The following EFCAB8 variants were observed in gnomAD, a reference collection of about 807,000 sequenced individuals.
EFCAB8 encodes the protein EF-hand calcium binding domain 8, also known as EF-hand calcium-binding domain-containing protein 8.
Under a neutral mutation model 116.3 loss-of-function variants are expected in EFCAB8, and 100 were observed. That is an observed-to-expected ratio of 0.86 (90% CI 0.73 to 1.02). The LOEUF (loss-of-function observed/expected upper bound fraction) is 1.02, where lower values mean the gene tolerates loss of function less well. Among genes scored for constraint, EFCAB8 ranks in the 50% least tolerant of loss-of-function variants. The pLI is 0.00. For synonymous variants in EFCAB8, 558 were observed against 567.9 expected (o/e 0.98, Z 0.25); for missense variants, 1,320 against 1,416.9 (o/e 0.93, Z 1.10).
chr20:32,951,487 A>C (rs1451062309), intron 23 of EFCAB8, among the ~76,000 whole-genome samples: 1 of 152,186 alleles, frequency 6.6e-6, no homozygotes, highest in African/African-American at 2.4e-5. Flanking sequence ...TATTTATATA[A>C]AATTTTAGGA....
Position 32,909,809 on chromosome 20 carries a change from C to T in EFCAB8, c.1447-12C>T, listed in dbSNP as rs868572499. 8.1e-7 allele frequency: 1 copy of T among 1,234,616 alleles called. No individual in the cohort carries two copies. The highest frequency in any genetic ancestry group is 1.6e-5 in the African/African-American group (1 of 64,260). The allele number at this position is 1,234,616 out of a possible 1,614,324, so 76.5% of individuals were successfully genotyped here. A position where few individuals can be genotyped will look rare whatever the true frequency, so the allele number is the denominator to read the frequency against. ...TGACAGACAAGCTCTCTGCCCCTTT[C>T]CTCACCTACAGATCGGGATCCTAAA... On this transcript the variant is annotated splice_polypyrimidine_tract_variant and intron_variant, in intron 14 of 26. Transcript: ENST00000400522.
chr20:32,955,668 G>C (rs1053360469), intron 23 of EFCAB8, among the ~76,000 whole-genome samples: 14 of 152,172 alleles, frequency 9.2e-5, no homozygotes, highest in Admixed American at 9.2e-4. Context: ...TGAGAAGGGG[G>C]CTGGGAGCCT....
intron 20 of EFCAB8, among the ~76,000 whole-genome samples, chr20:32,923,839 A>G (rs957107013): frequency 2.6e-5 from 4 of 152,134 alleles, no homozygotes; most frequent in Non-Finnish European, 5.9e-5. Context: ...CTGTATAGCT[A>G]TCTGCTGCCG....
chr20:32,889,233 G>A, intron 6 of EFCAB8, 68 bp from the exon 7 acceptor site: 4 of 1,399,494 alleles, frequency 2.9e-6, no homozygotes, highest in Non-Finnish European at 3.0e-6. Context: ...GGCAGGAGAG[G>A]TTCATGGGGA....
intron 24 of EFCAB8, among the ~76,000 whole-genome samples, chr20:32,959,166 G>C (rs1989063794): frequency 6.6e-6 from 1 of 152,236 alleles, no homozygotes; most frequent in South Asian, 2.1e-4. Flanking sequence ...ACACAGTCCT[G>C]CCTCAGAGAA....
Position 32,863,747 on chromosome 20 carries a change from G to T in EFCAB8, c.-10-36G>T, listed in dbSNP as rs182753731. On this transcript the variant is annotated intron_variant, in intron 1 of 26. Coordinates refer to ENST00000400522, the MANE Select transcript of EFCAB8 (RefSeq NM_001143967.2). ...CAGCCTTCCACGTGGTCCTTACAACGACTGGAGTTAAGTTGACTATGATTC... is the reference window on the plus strand; with the variant it reads ...CAGCCTTCCACGTGGTCCTTACAACTACTGGAGTTAAGTTGACTATGATTC... 9 of 1,544,828 alleles carry T rather than the reference G, an allele frequency of 5.8e-6. No homozygotes were observed. In the East Asian group the frequency reaches 7.4e-5, roughly 13 times the overall value.
At chr20:32,940,774 C>T (rs1042794206) in intron 22 of EFCAB8, among the ~76,000 whole-genome samples, 1 of 149,918 alleles carries the variant, frequency 6.7e-6, no homozygotes, top group Non-Finnish European at 1.5e-5. Context: ...ATAAACATTT[C>T]TTCAAAGAAG....
At chr20:32,873,869 A>C (rs898742321) in intron 3 of EFCAB8, among the ~76,000 whole-genome samples, 1 of 150,184 alleles carries the variant, frequency 6.7e-6, no homozygotes, top group Non-Finnish European at 1.5e-5. Context: ...ATTAATGTCT[A>C]TTTGTTGCCA....
chr20:32,940,744 G>A (rs900245736), intron 22 of EFCAB8, among the ~76,000 whole-genome samples: 1 of 149,942 alleles, frequency 6.7e-6, no homozygotes, highest in Non-Finnish European at 1.5e-5. Flanking sequence ...ACCAAATTAA[G>A]ATACGGGTAA....
intron 22 of EFCAB8, among the ~76,000 whole-genome samples, chr20:32,935,184 C>CTTTTTTTTTTTTTTTTTTTTTTTTTTTT (rs1988056638): frequency 3.1e-5 from 2 of 64,556 alleles, no homozygotes; most frequent in African/African-American, 1.7e-4. Context: ...TTCTTTCTTT[C>CTTTTTTTTTTTTTTTTTTTTTTTTTTTT]TTTCTTTCTT....
chr20:32,930,667 C>A, intron 21 of EFCAB8, 51 bp downstream of exon 21: 1 of 1,514,990 alleles, frequency 6.6e-7, no homozygotes, highest in South Asian at 1.2e-5. Flanking sequence ...GCTAAGTGTT[C>A]GGCCATCTCT....
chr20:32,919,996 T>A, intron 19 of EFCAB8, 82 bp from the exon 20 acceptor site: 1 of 1,538,384 alleles, frequency 6.5e-7, no homozygotes, highest in South Asian at 1.2e-5. Flanking sequence ...GCCGCTCTTT[T>A]ATCATCTTCC....
chr20:32,914,559 G>A (rs1987093679), intron 17 of EFCAB8, among the ~76,000 whole-genome samples: 1 of 152,234 alleles, frequency 6.6e-6, no homozygotes, highest in Non-Finnish European at 1.5e-5. Flanking sequence ...AGTTGTGCAT[G>A]GCTAGGAGGG....
intron 6 of EFCAB8, among the ~76,000 whole-genome samples, chr20:32,888,891 G>A (rs1379793311): frequency 6.6e-6 from 1 of 151,702 alleles, no homozygotes; most frequent in Admixed American, 6.6e-5. Flanking sequence ...CACACCCATA[G>A]AAATGTCTTG....
chr20:32,878,573 A>G (rs1985126111), intron 4 of EFCAB8, 131 bp from the exon 5 acceptor site: 3 of 547,094 alleles, frequency 5.5e-6, no homozygotes, highest in Non-Finnish European at 9.9e-6. Flanking sequence ...TGCGGACTGC[A>G]GTGGCGCAAT....
At chr20:32,871,934 C>T (rs1052064837) in intron 3 of EFCAB8, among the ~76,000 whole-genome samples, 2 of 152,180 alleles carry the variant, frequency 1.3e-5, no homozygotes, top group African/African-American at 4.8e-5. Context: ...GGCAGTTTGA[C>T]TCCCAGCTCT....
At position 32,958,404 on chromosome 20, in the gene EFCAB8, G is replaced by C. The variant is rs150991989; in HGVS notation, c.2960-17G>C. The C allele has an allele frequency of 2.2e-5, 9 of 416,730 alleles. No individual in the cohort carries two copies. The East Asian group carries it at 2.8e-4, about 13-fold the overall frequency. The allele number at this position is 416,730 out of a possible 1,614,324, so 25.8% of individuals were successfully genotyped here. ...GGTATGCCAGTTGTGGTTCTGAGCA[G>C]TCTGGTCAAATCACAGGAACGTTTG... is the stretch of plus-strand genomic sequence containing the variant. On this transcript the variant is annotated splice_polypyrimidine_tract_variant and intron_variant, in intron 23 of 26. Transcript: ENST00000400522.
intron 16 of EFCAB8, 38 bp from the exon 17 acceptor site, chr20:32,912,756 A>T: frequency 1.4e-6 from 1 of 717,834 alleles, no homozygotes; most frequent in Non-Finnish European, 2.6e-6. Flanking sequence ...ATTTTCTCTG[A>T]TAAGTTTTCT....
In EFCAB8 at chr20:32,868,953, C is replaced by T. The variant is rs112816499; in HGVS notation, c.208+1206C>T. Reference sequence around the variant, plus strand: ...TGAGCCAAGGTCATGCCACTTTACTCCAGCCTAGACCACAGAGTGAGACTC... The same window carrying T: ...TGAGCCAAGGTCATGCCACTTTACTTCAGCCTAGACCACAGAGTGAGACTC... On this transcript the variant is annotated intron_variant, in intron 3 of 26. Coordinates refer to ENST00000400522, the MANE Select transcript of EFCAB8 (RefSeq NM_001143967.2). 9.4e-3 allele frequency among the ~76,000 whole-genome samples: 1,431 copies of T among 152,096 alleles called. 22 individuals carry two copies. The highest frequency in any genetic ancestry group is 0.033 in the African/African-American group (1,363 of 41,508).
Sources: allele counts gnomAD v4.1 joint callset (sites outside exome capture counted in the v4.1 genomes callset), GRCh38; gene constraint gnomAD v4.1.1; transcripts MANE v1.5; gene names NCBI Gene and HGNC (gene_info 2026-07-23, HGNC 2026-07-21).